NTNG1: variants seen among roughly 807,000 people sequenced by gnomAD.
The protein encoded by NTNG1 is netrin-G1.
Under a neutral mutation model 54.0 loss-of-function variants are expected in NTNG1, and 16 were observed. That is an observed-to-expected ratio of 0.30 (90% CI 0.20 to 0.45). The LOEUF is 0.45. NTNG1 is among the 20% of genes least tolerant of loss of function. The pLI is 1.00. For missense variants in NTNG1, 530 were observed against 678.7 expected (o/e 0.78, Z 2.43); for synonymous variants, 255 against 263.1 (o/e 0.97, Z 0.30).
chr1:107,433,080 T>G (rs1557995877), intron 6 of NTNG1, among the ~76,000 whole-genome samples: 1 of 152,212 alleles, frequency 6.6e-6, no homozygotes, highest in Non-Finnish European at 1.5e-5. Flanking sequence ...CTTTTAAAAA[T>G]CAAGAAGAGT....
At chr1:107,427,599 T>C (rs1674989640) in intron 5 of NTNG1, among the ~76,000 whole-genome samples, 2 of 152,098 alleles carry the variant, frequency 1.3e-5, no homozygotes, top group Admixed American at 1.3e-4. Context: ...CTTTCAAAGA[T>C]CTGTTTCTTA....
At chr1:107,333,237 A>T (rs1300434215) in intron 3 of NTNG1, among the ~76,000 whole-genome samples, 1 of 152,050 alleles carries the variant, frequency 6.6e-6, no homozygotes, top group Non-Finnish European at 1.5e-5. Flanking sequence ...AGTCAAGAGA[A>T]ATAGATTCTC....
chr1:107,357,269 G>A (rs978025681), intron 3 of NTNG1, among the ~76,000 whole-genome samples: 19 of 136,294 alleles, frequency 1.4e-4, no homozygotes, highest in African/African-American at 5.2e-4. Flanking sequence ...GATCCTCATT[G>A]AGCCATGATC....
chr1:107,400,964 C>T (rs1672993648), intron 4 of NTNG1, among the ~76,000 whole-genome samples: 1 of 152,086 alleles, frequency 6.6e-6, no homozygotes, highest in Non-Finnish European at 1.5e-5. Flanking sequence ...TGTGGAATTA[C>T]TTTTGTGAGT....
chr1:107,403,980 C>T (rs1019190808), intron 4 of NTNG1, among the ~76,000 whole-genome samples: 1 of 151,720 alleles, frequency 6.6e-6, no homozygotes, highest in African/African-American at 2.4e-5. Context: ...ATTTACCTGT[C>T]ATCTCTTTAT....
At chr1:107,369,638 G>T (rs1670803590) in intron 3 of NTNG1, among the ~76,000 whole-genome samples, 1 of 151,952 alleles carries the variant, frequency 6.6e-6, no homozygotes, top group Non-Finnish European at 1.5e-5. Flanking sequence ...ATGTATTCTG[G>T]ATGCATATTC....
At chr1:107,153,065 A>G (rs1254760684) in intron 2 of NTNG1, among the ~76,000 whole-genome samples, 1 of 152,214 alleles carries the variant, frequency 6.6e-6, no homozygotes, top group African/African-American at 2.4e-5. Context: ...ATAGACTTCT[A>G]TTATGAAAGA....
At chr1:107,298,836 G>GTGA (rs1666143343) in intron 2 of NTNG1, among the ~76,000 whole-genome samples, 1 of 152,178 alleles carries the variant, frequency 6.6e-6, no homozygotes, top group Admixed American at 6.6e-5. Flanking sequence ...AATATGAATT[G>GTGA]TGATTCTTGC....
At chr1:107,194,251 T>C (rs531280000) in intron 2 of NTNG1, among the ~76,000 whole-genome samples, 1 of 152,112 alleles carries the variant, frequency 6.6e-6, no homozygotes, top group South Asian at 2.1e-4. Context: ...TAACCAAATG[T>C]TTTTGGATGG....
intron 3 of NTNG1, among the ~76,000 whole-genome samples, chr1:107,340,310 C>T (rs1298546204): frequency 1.3e-5 from 2 of 152,024 alleles, no homozygotes; most frequent in Non-Finnish European, 2.9e-5. Context: ...GTTTCAGACA[C>T]ACAGAAATAC....
chr1:107,188,825 A>C (rs1442140515), intron 2 of NTNG1, among the ~76,000 whole-genome samples: 1 of 152,132 alleles, frequency 6.6e-6, no homozygotes, highest in African/African-American at 2.4e-5. Flanking sequence ...AGATGCAGCC[A>C]AAGAGTTCCC....
At chr1:107,470,210 A>T (rs74753021) in intron 7 of NTNG1, among the ~76,000 whole-genome samples, 1 of 152,342 alleles carries the variant, frequency 6.6e-6, no homozygotes, top group African/African-American at 2.4e-5. Context: ...TTAGTAACAC[A>T]AATACTGAAA....
At chr1:107,187,866 A>G (rs1657582486) in intron 2 of NTNG1, among the ~76,000 whole-genome samples, 1 of 152,138 alleles carries the variant, frequency 6.6e-6, no homozygotes, top group African/African-American at 2.4e-5. Flanking sequence ...AGCAGGAAGG[A>G]GTGAAAAGAG....
chr1:107,194,930 A>AG (rs1240318388), intron 2 of NTNG1, among the ~76,000 whole-genome samples: 8 of 151,726 alleles, frequency 5.3e-5, no homozygotes, highest in Non-Finnish European at 7.4e-5. Context: ...TTCTATAGGG[A>AG]AAAAAAAGGC....
intron 2 of NTNG1, among the ~76,000 whole-genome samples, chr1:107,161,431 C>G (rs1655386543): frequency 6.6e-6 from 1 of 150,552 alleles, no homozygotes; most frequent in Non-Finnish European, 1.5e-5. Context: ...GAGGCTGAGG[C>G]AGGAGGATTA....
At chr1:107,460,934 C>T (rs1677245434) in intron 7 of NTNG1, among the ~76,000 whole-genome samples, 1 of 152,164 alleles carries the variant, frequency 6.6e-6, no homozygotes, top group Non-Finnish European at 1.5e-5. Context: ...AAGAATTTCT[C>T]TAATCCTAGG....
rs746410118 is a variant in NTNG1, at chr1:107,155,416, A to ATC, written c.246+6591_246+6592dup. Among the ~76,000 whole-genome samples the ATC allele has an allele frequency of 6.9e-4, 104 of 151,238 alleles. 1 individual carries two copies. Among genetic ancestry groups the ATC allele is most frequent in the Admixed American group, 6.4e-3 (97 of 15,172 alleles). On this transcript the variant is annotated intron_variant, in intron 2 of 7. Coordinates refer to ENST00000370068, the MANE Select transcript of NTNG1 (RefSeq NM_001113226.3). Reference sequence around the variant, plus strand: ...CTCTTGACTTTTTAACTCATGTTAAATCTCTCTCTCTCTCTATCTCTATCT... The same window carrying ATC: ...CTCTTGACTTTTTAACTCATGTTAAATCTCTCTCTCTCTCTCTATCTCTATCT...
At chr1:107,455,454 T>C (rs560092459) in intron 7 of NTNG1, among the ~76,000 whole-genome samples, 23 of 152,258 alleles carry the variant, frequency 1.5e-4, no homozygotes, top group African/African-American at 5.3e-4. Flanking sequence ...AACCTGAGGG[T>C]TGGATGCTGG....
At chr1:107,266,658 A>G (rs1313090803) in intron 2 of NTNG1, among the ~76,000 whole-genome samples, 2 of 150,910 alleles carry the variant, frequency 1.3e-5, no homozygotes, top group Non-Finnish European at 2.9e-5. Flanking sequence ...TTACAACTAC[A>G]TAACCTGGAT....
Sources: gnomAD v4.1 joint callset for allele counts (sites outside exome capture counted in the v4.1 genomes callset) on GRCh38, gnomAD v4.1.1 for gene constraint, MANE v1.5 for transcripts, NCBI Gene and HGNC (gene_info 2026-07-23, HGNC 2026-07-21) for gene names.